Variants in RPS6KC1 observed in about 807,000 individuals in gnomAD.
The protein encoded by RPS6KC1 is ribosomal protein S6 kinase C1, also known as inactive ribosomal protein S6 kinase delta-1.
A neutral mutation model predicts 103.8 loss-of-function variants in RPS6KC1; 54 were observed. The ratio of observed to expected loss-of-function variants is 0.52; its 90% CI spans 0.42 to 0.65. The LOEUF (loss-of-function observed/expected upper bound fraction) is 0.65, where lower values mean the gene tolerates loss of function less well. Ranked by LOEUF, RPS6KC1 falls within the 30% of genes least tolerant of loss-of-function variation. The pLI, the probability that RPS6KC1 is intolerant of heterozygous loss-of-function variation, is 0.00. For synonymous variants in RPS6KC1, 439 were observed against 438.7 expected, an observed-to-expected ratio of 1.00 and a Z score of -0.01; for missense variants, 1,151 against 1,253.8, an observed-to-expected ratio of 0.92 and a Z score of 1.24.
intron 1 of RPS6KC1, among the ~76,000 whole-genome samples, chr1:213,068,050 T>A (rs1393217526): frequency 2.0e-5 from 3 of 152,200 alleles, no homozygotes; most frequent in Admixed American, 6.5e-5. Context: ...TCAGGAAATG[T>A]ATTAAGCTGA....
the RPS6KC1 span, among the ~76,000 whole-genome samples, chr1:213,720,325 C>T: frequency 5.9e-5 from 9 of 152,190 alleles, no homozygotes; most frequent in Non-Finnish European, 1.3e-4. Context: ...AACAGAGGAT[C>T]GCCTGGAGGC....
the RPS6KC1 span, among the ~76,000 whole-genome samples, chr1:213,807,911 C>T: frequency 1.3e-5 from 2 of 152,130 alleles, no homozygotes; most frequent in Non-Finnish European, 2.9e-5. Context: ...GTGGTTTTAT[C>T]TCCTTTTGGT....
intron 4 of RPS6KC1, among the ~76,000 whole-genome samples, chr1:213,105,525 T>C (rs1402168665): frequency 6.6e-6 from 1 of 152,200 alleles, no homozygotes; most frequent in Non-Finnish European, 1.5e-5. Context: ...TATTTTTTTC[T>C]GCCAGTGCTT....
chr1:213,267,521 CA>C (rs1191697278), intron 14 of RPS6KC1, among the ~76,000 whole-genome samples: 1 of 151,366 alleles, frequency 6.6e-6, no homozygotes, highest in Non-Finnish European at 1.5e-5. Flanking sequence ...TACACAAAAA[CA>C]AAAAAAGTAT....
chr1:213,618,870 G>A, the RPS6KC1 span, among the ~76,000 whole-genome samples: 1 of 152,296 alleles, frequency 6.6e-6, no homozygotes, highest in South Asian at 2.1e-4. Context: ...TATATACCAG[G>A]TTGGAGGGAT....
chr1:213,214,419 C>T (rs1048145105), intron 8 of RPS6KC1, among the ~76,000 whole-genome samples: 30 of 152,328 alleles, frequency 2.0e-4, no homozygotes, highest in African/African-American at 6.7e-4. Context: ...TCAAGGAGGC[C>T]TGCCTGCCTC....
the RPS6KC1 span, among the ~76,000 whole-genome samples, chr1:213,811,348 A>G: frequency 6.6e-6 from 1 of 152,212 alleles, no homozygotes; most frequent in African/African-American, 2.4e-5. Flanking sequence ...GGGCTTTTCC[A>G]GAGCACACAG....
chr1:213,392,969 A>G, the RPS6KC1 span, among the ~76,000 whole-genome samples: 1 of 152,222 alleles, frequency 6.6e-6, no homozygotes, highest in Non-Finnish European at 1.5e-5. Context: ...GTGAAATTCA[A>G]CGACATCTGC....
chr1:213,104,643 A>G, intron 4 of RPS6KC1, 74 bp downstream of exon 4: 1 of 797,066 alleles, frequency 1.3e-6, no homozygotes, highest in African/African-American at 1.8e-5. Flanking sequence ...AAAATAAAAA[A>G]TGCCACTTTT....
At chr1:213,312,252 G>GC in the RPS6KC1 span, among the ~76,000 whole-genome samples, 1 of 85,160 alleles carries the variant, frequency 1.2e-5, no homozygotes, top group South Asian at 5.2e-4. Context: ...TCCCAGTGCA[G>GC]GGGGGGCAAC....
the RPS6KC1 span, among the ~76,000 whole-genome samples, chr1:213,385,089 G>A: frequency 3.9e-5 from 6 of 152,192 alleles, no homozygotes; most frequent in African/African-American, 1.2e-4. Context: ...AGTCAAGAAT[G>A]TAATTCTTAA....
intron 8 of RPS6KC1, among the ~76,000 whole-genome samples, chr1:213,229,989 A>G (rs965239596): frequency 6.6e-6 from 1 of 152,150 alleles, no homozygotes; most frequent in Admixed American, 6.5e-5. Flanking sequence ...CATTTTGAAG[A>G]CAGAGCTGAC....
chr1:213,805,865 C>A, the RPS6KC1 span, among the ~76,000 whole-genome samples: 1 of 152,234 alleles, frequency 6.6e-6, no homozygotes, highest in Non-Finnish European at 1.5e-5. Flanking sequence ...CAAAATTACA[C>A]CTTGATTCAC....
At chr1:213,176,237 T>A (rs1166977630) in intron 7 of RPS6KC1, among the ~76,000 whole-genome samples, 163 bp from the exon 8 acceptor site, 1 of 152,228 alleles carries the variant, frequency 6.6e-6, no homozygotes. Flanking sequence ...TTTTTATTTT[T>A]AAAAATTTTA....
the RPS6KC1 span, among the ~76,000 whole-genome samples, chr1:213,583,820 C>CA: frequency 0.3 from 22,691 of 75,984 alleles, 2,931 homozygotes; most frequent in East Asian, 0.37. Flanking sequence ...GATTCTGTCT[C>CA]AAAAAAAAAA....
intron 6 of RPS6KC1, among the ~76,000 whole-genome samples, chr1:213,151,994 A>G (rs1327792286): frequency 1.8e-5 from 2 of 109,758 alleles, no homozygotes; most frequent in East Asian, 6.2e-4. Context: ...ACTTCCCAGT[A>G]GGGGTGGCCG....
chr1:213,208,130 C>T (rs1444805646), intron 8 of RPS6KC1, among the ~76,000 whole-genome samples: 1 of 152,146 alleles, frequency 6.6e-6, no homozygotes, highest in Admixed American at 6.5e-5. Context: ...ATCTCTGTCT[C>T]CCAACCCTCT....
the RPS6KC1 span, among the ~76,000 whole-genome samples, chr1:213,566,722 A>G: frequency 2.6e-5 from 4 of 151,814 alleles, no homozygotes; most frequent in Non-Finnish European, 4.4e-5. Flanking sequence ...TAACTATGCT[A>G]TAACTATGAC....
chr1:213,516,775 T>C, the RPS6KC1 span, among the ~76,000 whole-genome samples: 1 of 152,226 alleles, frequency 6.6e-6, no homozygotes, highest in East Asian at 1.9e-4. Flanking sequence ...TCTTTTTCTA[T>C]TGATTGAAAA....
Sources: gnomAD v4.1 joint callset for allele counts (sites outside exome capture counted in the v4.1 genomes callset) on GRCh38, gnomAD v4.1.1 for gene constraint, MANE v1.5 for transcripts, NCBI Gene and HGNC (gene_info 2026-07-23, HGNC 2026-07-21) for gene names.